TGFBR2: variants seen among roughly 807,000 people sequenced by gnomAD.
TGFBR2 encodes the protein transforming growth factor beta receptor 2, also known as TGF-beta receptor type-2.
Under a neutral mutation model 49.0 loss-of-function variants are expected in TGFBR2, and 18 were observed. That is an observed-to-expected ratio of 0.37 (90% CI 0.25 to 0.54). TGFBR2 has a LOEUF of 0.54. TGFBR2 is among the 20% of genes least tolerant of loss of function. TGFBR2 has a pLI of 0.85. For synonymous variants in TGFBR2, 282 were observed against 275.9 expected (o/e 1.02, Z -0.22); for missense variants, 525 against 722.6 (o/e 0.73, Z 3.13).
At chr3:30,643,108 G>C (rs1698673361) in intron 1 of TGFBR2, among the ~76,000 whole-genome samples, 1 of 152,208 alleles carries the variant, frequency 6.6e-6, no homozygotes, top group East Asian at 1.9e-4. Context: ...GCAGGGCAAA[G>C]TATCTATGAC....
intron 5 of TGFBR2, among the ~76,000 whole-genome samples, chr3:30,682,209 G>A (rs1412916605): frequency 6.6e-6 from 1 of 152,210 alleles, no homozygotes; most frequent in Non-Finnish European, 1.5e-5. Context: ...CTGAATAATT[G>A]TAGGGGGCAT....
chr3:30,671,214 C>T (rs1289750815), intron 3 of TGFBR2, among the ~76,000 whole-genome samples: 1 of 152,140 alleles, frequency 6.6e-6, no homozygotes, highest in Non-Finnish European at 1.5e-5. Flanking sequence ...GACATGGTAC[C>T]TTCCAGCATG....
chr3:30,622,472 C>T (rs572916811), intron 1 of TGFBR2, among the ~76,000 whole-genome samples: 2 of 152,062 alleles, frequency 1.3e-5, no homozygotes, highest in South Asian at 4.2e-4. Flanking sequence ...TTCTTTGGTA[C>T]ATACCTTTTG....
chr3:30,634,946 T>C (rs1698502332), intron 1 of TGFBR2, among the ~76,000 whole-genome samples: 1 of 152,220 alleles, frequency 6.6e-6, no homozygotes, highest in Admixed American at 6.5e-5. Flanking sequence ...CTTCCTGTTC[T>C]TCTCAGCCCC....
At chr3:30,635,951 GT>G (rs911705902) in intron 1 of TGFBR2, among the ~76,000 whole-genome samples, 41 of 152,214 alleles carry the variant, frequency 2.7e-4, no homozygotes, top group African/African-American at 9.9e-4. Context: ...CTGACCTCAT[GT>G]TTGCATTTAA....
chr3:30,626,070 A>G (rs529933163), intron 1 of TGFBR2, among the ~76,000 whole-genome samples: 124 of 152,306 alleles, frequency 8.1e-4, no homozygotes, highest in South Asian at 2.1e-3. Context: ...CTGGGGTAGG[A>G]CTTTGGCATC....
chr3:30,655,135 T>C (rs1253942892), intron 3 of TGFBR2, among the ~76,000 whole-genome samples: 1 of 152,166 alleles, frequency 6.6e-6, no homozygotes, highest in Non-Finnish European at 1.5e-5. Flanking sequence ...GATTAATGCA[T>C]GTAAAGTGCT....
At chr3:30,641,274 C>CA (rs1241823502) in intron 1 of TGFBR2, among the ~76,000 whole-genome samples, 3 of 152,210 alleles carry the variant, frequency 2.0e-5, no homozygotes, top group Non-Finnish European at 4.4e-5. Context: ...ACTTAGGTGA[C>CA]TCCAGCAAAG....
At chr3:30,616,241 C>T (rs1389207760) in intron 1 of TGFBR2, among the ~76,000 whole-genome samples, 4 of 152,110 alleles carry the variant, frequency 2.6e-5, no homozygotes, top group Admixed American at 2.0e-4. Flanking sequence ...CCTCTTCCTC[C>T]TTCCCCCCAT....
At position 30,691,536 on chromosome 3, in the gene TGFBR2, C is replaced by T. The variant is rs1699710286; in HGVS notation, c.1641C>T (p.Leu547=). 2 of 1,614,142 alleles carry T rather than the reference C, an allele frequency of 1.2e-6. No individual in the cohort carries two copies. The highest frequency in any genetic ancestry group is 1.7e-6 in the Non-Finnish European group (2 of 1,180,000). Residue 547 remains leucine, a synonymous_variant, in exon 7 of 7, where the codon CTC becomes CTT. Coordinates refer to ENST00000295754, the MANE Select transcript of TGFBR2 (RefSeq NM_003242.6). ...RFSELEHLDR[L]SGRSCSEEKI... is the part of the protein sequence containing the mutation. ...GTGAGCTGGAGCATCTGGACAGGCT[C>T]TCGGGGAGGAGCTGCTCGGAGGAGA...
chr3:30,623,300 A>T (rs201718221), intron 1 of TGFBR2: 5 of 1,613,228 alleles, frequency 3.1e-6, no homozygotes, highest in Non-Finnish European at 4.2e-6. Context: ...TAATCTTTTC[A>T]TCATTTTTCT....
chr3:30,644,076 G>A (rs1481016863), intron 1 of TGFBR2, among the ~76,000 whole-genome samples: 1 of 152,156 alleles, frequency 6.6e-6, no homozygotes, highest in Non-Finnish European at 1.5e-5. Context: ...TGTCTAGGAG[G>A]CACTCAGTAA....
chr3:30,616,942 G>T (rs1429550039), intron 1 of TGFBR2, among the ~76,000 whole-genome samples: 1 of 152,070 alleles, frequency 6.6e-6, no homozygotes, highest in East Asian at 1.9e-4. Flanking sequence ...TTCCTCTTTG[G>T]TTAATTATGG....
At chr3:30,617,960 G>A (rs867518281) in intron 1 of TGFBR2, among the ~76,000 whole-genome samples, 2 of 152,292 alleles carry the variant, frequency 1.3e-5, no homozygotes, top group South Asian at 4.1e-4. Context: ...TGGTTTTAGT[G>A]GATCACATCA....
chr3:30,668,475 C>T (rs369789276), intron 3 of TGFBR2, among the ~76,000 whole-genome samples: 31 of 152,256 alleles, frequency 2.0e-4, no homozygotes, highest in East Asian at 1.7e-3. Context: ...GTGGAAATGC[C>T]GACTGCTGGA....
At chr3:30,642,826 C>A (rs1698669820) in intron 1 of TGFBR2, among the ~76,000 whole-genome samples, 1 of 152,098 alleles carries the variant, frequency 6.6e-6, no homozygotes, top group Admixed American at 6.5e-5. Flanking sequence ...TGTTGTGTTT[C>A]TCCCAAATTT....
intron 1 of TGFBR2, among the ~76,000 whole-genome samples, chr3:30,619,538 G>A (rs146785237): frequency 2.6e-5 from 4 of 152,222 alleles, no homozygotes; most frequent in South Asian, 2.1e-4. Context: ...TGATGACTAC[G>A]TGCACAGATG....
chr3:30,612,914 C>A (rs1698055488), intron 1 of TGFBR2, among the ~76,000 whole-genome samples: 1 of 152,114 alleles, frequency 6.6e-6, no homozygotes, highest in Non-Finnish European at 1.5e-5. Flanking sequence ...TTGCCACAGT[C>A]AGCTTTCTAG....
chr3:30,622,826 T>C (rs1189728391), intron 1 of TGFBR2, among the ~76,000 whole-genome samples: 2 of 127,062 alleles, frequency 1.6e-5, no homozygotes, highest in Non-Finnish European at 3.1e-5. Flanking sequence ...GTTGCAGTGA[T>C]CCGATATCGC....
Sources: allele counts gnomAD v4.1 joint callset (sites outside exome capture counted in the v4.1 genomes callset), GRCh38; gene constraint gnomAD v4.1.1; transcripts MANE v1.5; gene names NCBI Gene and HGNC (gene_info 2026-07-23, HGNC 2026-07-21).